KSR2: variants seen among roughly 807,000 people sequenced by gnomAD.
KSR2 encodes kinase suppressor of ras 2.
Under a neutral mutation model 107.8 loss-of-function variants are expected in KSR2, and 25 were observed. The observed-to-expected ratio is 0.23, with a 90% CI of 0.17 to 0.32. The LOEUF (loss-of-function observed/expected upper bound fraction) is 0.32. KSR2 is among the 10% of genes least tolerant of loss of function. The probability of loss-of-function intolerance (pLI) is 1.00; values close to 1 mark genes in which losing one functional copy is unlikely to be tolerated. For missense variants in KSR2, 887 were observed against 1,268.9 expected, an observed-to-expected ratio of 0.70 and a Z score of 4.57; for synonymous variants, 480 against 507.0, an observed-to-expected ratio of 0.95 and a Z score of 0.71.
At chr12:117,882,971 C>G (rs1852986018) in intron 1 of KSR2, among the ~76,000 whole-genome samples, 1 of 151,998 alleles carries the variant, frequency 6.6e-6, no homozygotes, top group Non-Finnish European at 1.5e-5. Flanking sequence ...ACCATACATC[C>G]AAGCAACCAT....
intron 4 of KSR2, among the ~76,000 whole-genome samples, chr12:117,693,801 T>TTC (rs1885931951): frequency 6.6e-6 from 1 of 152,196 alleles, no homozygotes; most frequent in East Asian, 1.9e-4. Flanking sequence ...ACAGATGGTA[T>TTC]ACCTGCGGCT....
intron 10 of KSR2, among the ~76,000 whole-genome samples, chr12:117,534,320 C>T (rs1875879736): frequency 6.6e-6 from 1 of 152,196 alleles, no homozygotes; most frequent in South Asian, 2.1e-4. Flanking sequence ...CTCTGAGTCT[C>T]TCTGGAGGCC....
chr12:117,539,735 C>A lies in KSR2; in HGVS notation c.1671G>T (p.Lys557Asn). ...HPSPQCTRQQKNFNLPASHYY... is the reference protein window; with the variant it reads ...HPSPQCTRQQNNFNLPASHYY... The stretch of plus-strand genomic sequence containing the variant: ...TGGAGGTACCTGGCAGGTTGAAGTT[C>A]TTCTGCTGCCGTGTGCACTGTGGGG... The change falls in exon 10 of 20, where the codon AAG becomes AAT. Residue 557 changes from lysine to asparagine, a missense_variant. Coordinates refer to ENST00000339824, the MANE Select transcript of KSR2 (RefSeq NM_173598.6). 6.2e-7 allele frequency: 1 copy of A among 1,600,786 alleles called. No individual in the cohort carries two copies. The highest frequency in any genetic ancestry group is 1.1e-5 in the South Asian group (1 of 89,754).
intron 1 of KSR2, among the ~76,000 whole-genome samples, chr12:117,868,878 G>A (rs1294755737): frequency 2.0e-5 from 3 of 151,882 alleles, no homozygotes; most frequent in African/African-American, 7.2e-5. Context: ...AGCCTCCCGA[G>A]TAGGTGGGAC....
chr12:117,718,509 C>G (rs1440191015), intron 4 of KSR2, among the ~76,000 whole-genome samples: 3 of 152,192 alleles, frequency 2.0e-5, no homozygotes, highest in Non-Finnish European at 2.9e-5. Context: ...GAAACCTCCA[C>G]CTGTACCCTG....
At chr12:117,912,631 C>G (rs1206482183) in intron 1 of KSR2, among the ~76,000 whole-genome samples, 1 of 152,062 alleles carries the variant, frequency 6.6e-6, no homozygotes, top group African/African-American at 2.4e-5. Context: ...TCCTCAATAC[C>G]AAAAATGTTT....
At chr12:117,700,286 CA>C (rs559101406) in intron 4 of KSR2, among the ~76,000 whole-genome samples, 31 of 152,312 alleles carry the variant, frequency 2.0e-4, no homozygotes, top group African/African-American at 7.0e-4. Context: ...CAAGGCTATA[CA>C]GCTACAGGGT....
At chr12:117,705,728 T>C (rs771209721) in intron 4 of KSR2, among the ~76,000 whole-genome samples, 15 of 152,230 alleles carry the variant, frequency 9.9e-5, no homozygotes, top group Non-Finnish European at 1.9e-4. Context: ...ACTTAGAACC[T>C]GCCAGAGAAG....
At chr12:117,960,037 C>A (rs1398378034) in intron 1 of KSR2, among the ~76,000 whole-genome samples, 1 of 152,146 alleles carries the variant, frequency 6.6e-6, no homozygotes, top group Non-Finnish European at 1.5e-5. Flanking sequence ...TCCCTGCCCA[C>A]TCCCTGCTCT....
chr12:117,469,345 G>C (rs1871305067), intron 19 of KSR2, among the ~76,000 whole-genome samples: 1 of 152,102 alleles, frequency 6.6e-6, no homozygotes, highest in Admixed American at 6.5e-5. Context: ...ACATATGGGG[G>C]GCTTGGCAGG....
intron 4 of KSR2, among the ~76,000 whole-genome samples, chr12:117,756,968 T>C (rs957099606): frequency 7.9e-5 from 12 of 151,818 alleles, no homozygotes; most frequent in African/African-American, 2.9e-4. Context: ...GGCAGGAGAA[T>C]TGCTAGAACC....
intron 4 of KSR2, among the ~76,000 whole-genome samples, chr12:117,681,751 G>A (rs1293230031): frequency 6.6e-6 from 1 of 152,154 alleles, no homozygotes; most frequent in Non-Finnish European, 1.5e-5. Context: ...TTCTGCGTAT[G>A]GCTAGCCACT....
intron 4 of KSR2, among the ~76,000 whole-genome samples, chr12:117,720,382 A>G (rs74560670): frequency 0.012 from 1,877 of 152,372 alleles, 32 homozygotes; most frequent in Non-Finnish European, 0.017. Context: ...CTGTCTGCAC[A>G]ACACTTGTAT....
chr12:117,941,557 T>C (rs908598755), intron 1 of KSR2, among the ~76,000 whole-genome samples: 5 of 152,010 alleles, frequency 3.3e-5, no homozygotes, highest in South Asian at 4.2e-4. Context: ...TCAGATTTAT[T>C]TGAAACATTT....
intron 5 of KSR2, among the ~76,000 whole-genome samples, chr12:117,612,111 G>A (rs181227826): frequency 1.1e-4 from 16 of 152,254 alleles, no homozygotes; most frequent in African/African-American, 3.8e-4. Flanking sequence ...AATGGTTAAA[G>A]TGGTATATCT....
At chr12:117,509,768 C>T (rs1199966655) in intron 14 of KSR2, among the ~76,000 whole-genome samples, 1 of 152,206 alleles carries the variant, frequency 6.6e-6, no homozygotes, top group Non-Finnish European at 1.5e-5. Flanking sequence ...CTTGTGACCC[C>T]CTTCTTTGCC....
intron 3 of KSR2, among the ~76,000 whole-genome samples, chr12:117,845,211 G>T (rs534982401): frequency 1.3e-5 from 2 of 152,148 alleles, no homozygotes; most frequent in Non-Finnish European, 2.9e-5. Context: ...CCTTTTGCTC[G>T]ATAACAATGA....
intron 3 of KSR2, among the ~76,000 whole-genome samples, chr12:117,794,692 C>T (rs1320791705): frequency 6.7e-6 from 1 of 149,584 alleles, no homozygotes. Flanking sequence ...CCAACAGGCA[C>T]ACACACACCA....
chr12:117,827,474 T>A (rs1179086685), intron 3 of KSR2, among the ~76,000 whole-genome samples: 2 of 152,238 alleles, frequency 1.3e-5, no homozygotes, highest in Non-Finnish European at 2.9e-5. Flanking sequence ...GACTTAACTC[T>A]AAGCTTCAGT....
Sources: allele counts gnomAD v4.1 joint callset (sites outside exome capture counted in the v4.1 genomes callset), GRCh38; gene constraint gnomAD v4.1.1; transcripts MANE v1.5; gene names NCBI Gene and HGNC (gene_info 2026-07-23, HGNC 2026-07-21).